Variants in CCDC93 observed in about 807,000 individuals in gnomAD.
CCDC93 encodes coiled-coil domain-containing protein 93.
In CCDC93, 61 loss-of-function variants were observed where a neutral mutation model predicts 108.2. That is an observed-to-expected ratio of 0.56 (90% CI 0.46 to 0.70). CCDC93 has a LOEUF of 0.70. CCDC93 is among the 30% of genes least tolerant of loss of function. The pLI is 0.00. For synonymous variants in CCDC93, 276 were observed against 260.4 expected, an observed-to-expected ratio of 1.06 and a Z score of -0.58; for missense variants, 685 against 764.2, an observed-to-expected ratio of 0.90 and a Z score of 1.22.
chr2:118,003,668 C>T (rs1393818082), intron 3 of CCDC93, among the ~76,000 whole-genome samples: 2 of 152,150 alleles, frequency 1.3e-5, no homozygotes, highest in East Asian at 1.9e-4. Flanking sequence ...GGCCACTCTT[C>T]GGAGCCAGCC....
At chr2:118,001,973 G>A (rs1279512824) in intron 3 of CCDC93, among the ~76,000 whole-genome samples, 1 of 152,152 alleles carries the variant, frequency 6.6e-6, no homozygotes, top group Admixed American at 6.5e-5. Context: ...GGAACATTGA[G>A]AAGCAGTCAC....
rs951317723 is a variant in CCDC93 at position 117,917,816 on chromosome 2, C to T, written c.*2527G>A. 5 of 152,180 alleles carry T rather than the reference C, an allele frequency of 3.3e-5. No individual in the cohort carries two copies. The highest frequency in any genetic ancestry group is 1.3e-4 in the Admixed American group (2 of 15,278). 9.4% of individuals were successfully genotyped at this position (152,180 alleles called of 1,614,324 possible). A position where few individuals can be genotyped will look rare whatever the true frequency, so the allele number is the denominator to read the frequency against. Reference sequence around the variant, plus strand: ...GCAGTCCCATGTACTCCATAAGAAGCAAGAAGTGGGAGGGAGCCCCCAACC... The same window carrying T: ...GCAGTCCCATGTACTCCATAAGAAGTAAGAAGTGGGAGGGAGCCCCCAACC... On this transcript the variant is annotated 3_prime_UTR_variant, in exon 24 of 24. Transcript: ENST00000376300.
chr2:117,964,128 A>G (rs1326997959), intron 11 of CCDC93, among the ~76,000 whole-genome samples: 1 of 152,166 alleles, frequency 6.6e-6, no homozygotes, highest in Non-Finnish European at 1.5e-5. Context: ...ACTCTGATTA[A>G]AATTTTAAAT....
At chr2:117,932,622 G>A (rs1223129203) in intron 22 of CCDC93, among the ~76,000 whole-genome samples, 1 of 152,166 alleles carries the variant, frequency 6.6e-6, no homozygotes, top group East Asian at 1.9e-4. Flanking sequence ...GCCCTCCCTT[G>A]TGCCTAGGTC....
At chr2:117,979,357 A>C (rs1300464258) in intron 7 of CCDC93, among the ~76,000 whole-genome samples, 1 of 151,168 alleles carries the variant, frequency 6.6e-6, no homozygotes, top group Non-Finnish European at 1.5e-5. Context: ...CTGCTTCCCT[A>C]CTCACCCTCC....
intron 11 of CCDC93, among the ~76,000 whole-genome samples, chr2:117,969,078 G>A (rs964584547): frequency 3.9e-5 from 6 of 152,158 alleles, no homozygotes; most frequent in South Asian, 2.1e-4. Flanking sequence ...GGGTGTGGAC[G>A]GAAGCTGTGC....
chr2:117,970,457 T>TA (rs149684519), intron 11 of CCDC93, among the ~76,000 whole-genome samples: 8,456 of 146,312 alleles, frequency 0.058, 276 homozygotes, highest in Non-Finnish European at 0.083. Flanking sequence ...GAAACAAGAA[T>TA]AAAAAAAAAA....
intron 21 of CCDC93, 138 bp from the exon 22 acceptor site, chr2:117,935,717 G>A (rs550197684): frequency 2.5e-5 from 12 of 487,092 alleles, no homozygotes; most frequent in Admixed American, 2.2e-4. Flanking sequence ...GTGGAGCCAC[G>A]GGGGCCCCTG....
chr2:117,934,123 G>A (rs1031575691), intron 22 of CCDC93: 2 of 152,166 alleles, frequency 1.3e-5, no homozygotes, highest in African/African-American at 4.8e-5. Context: ...TCAACAACAG[G>A]AATTCATGGA....
rs541570266 is a variant in CCDC93 at position 117,946,114 on chromosome 2, C to T, written c.1297-532G>A. ...AGTGATAACGGCCCTGCAAGATCTT[C>T]GTCTCCCCGCTGGGCATGGCAGTGT... On this transcript the variant is annotated intron_variant, in intron 16 of 23. Transcript: ENST00000376300. Among the ~76,000 whole-genome samples the T allele has an allele frequency of 1.5e-3, 233 of 152,244 alleles. 3 individuals are homozygous for T. Among genetic ancestry groups the T allele is most frequent in the South Asian group, 2.5e-3 (12 of 4,820 alleles).
Position 117,995,503 on chromosome 2 carries a change from C to G in CCDC93, c.463-1G>C. On this transcript the variant is annotated splice_acceptor_variant, in intron 5 of 23. Transcript: ENST00000376300. LOFTEE classifies it high-confidence loss of function. Reference sequence around the variant, plus strand: ...CTTTTCTCTTTATGAAGTCATCATCCTACAAGACAAAACAGAGCGATTAAA... The same window carrying G: ...CTTTTCTCTTTATGAAGTCATCATCGTACAAGACAAAACAGAGCGATTAAA... The G allele has an allele frequency of 6.2e-7, 1 of 1,612,550 alleles. No individual in the cohort carries two copies. Among genetic ancestry groups the G allele is most frequent in the Non-Finnish European group, 8.5e-7 (1 of 1,178,528 alleles).
intron 11 of CCDC93, among the ~76,000 whole-genome samples, chr2:117,962,634 C>T (rs1573492533): frequency 6.6e-6 from 1 of 152,180 alleles, no homozygotes; most frequent in African/African-American, 2.4e-5. Context: ...CAGAGTGGGA[C>T]TCTGCCTCAA....
intron 7 of CCDC93, among the ~76,000 whole-genome samples, chr2:117,978,346 T>C (rs997408255): frequency 1.3e-5 from 2 of 152,178 alleles, no homozygotes; most frequent in African/African-American, 4.8e-5. Context: ...CGGTTTAAGC[T>C]AAAAGCCTTA....
At chr2:117,994,085 C>T (rs552653298) in intron 6 of CCDC93, among the ~76,000 whole-genome samples, 2 of 152,164 alleles carry the variant, frequency 1.3e-5, no homozygotes. Flanking sequence ...AGTGAAAAAA[C>T]CACAAAATTA....
At chr2:117,922,390 C>T (rs191470856) in intron 23 of CCDC93, among the ~76,000 whole-genome samples, 1 of 152,274 alleles carries the variant, frequency 6.6e-6, no homozygotes, top group East Asian at 1.9e-4. Flanking sequence ...AGTCTCTTTC[C>T]TGCTGAAAAC....
At chr2:117,930,704 T>C (rs1393818866) in intron 23 of CCDC93, 2 of 178,524 alleles carry the variant, frequency 1.1e-5, no homozygotes, top group Middle Eastern at 4.5e-3. Flanking sequence ...GGAAAGAAGA[T>C]TCTATATCTG....
intron 6 of CCDC93, among the ~76,000 whole-genome samples, chr2:117,988,103 A>C (rs2104803466): frequency 6.6e-6 from 1 of 151,228 alleles, no homozygotes; most frequent in South Asian, 2.1e-4. Context: ...TCTGATACAT[A>C]TATATATATC....
Position 118,004,589 on chromosome 2 carries a change from G to C in CCDC93, c.251+2133C>G, listed in dbSNP as rs144540714. On this transcript the variant is annotated intron_variant, in intron 3 of 23. Coordinates refer to ENST00000376300, the MANE Select transcript of CCDC93 (RefSeq NM_019044.5). ...TGCACCTAACCAGAAACTCTATGGT[G>C]GGGGGGAACACCAAACAGAACACAT... is the stretch of plus-strand genomic sequence containing the variant. Among the ~76,000 whole-genome samples the C allele has an allele frequency of 2.6e-3, 400 of 152,208 alleles. 2 individuals carry two copies. The highest frequency in any genetic ancestry group is 9.1e-3 in the African/African-American group (379 of 41,554).
At chr2:117,929,664 C>G (rs10490630) in intron 23 of CCDC93, among the ~76,000 whole-genome samples, 18 of 152,262 alleles carry the variant, frequency 1.2e-4, no homozygotes, top group Non-Finnish European at 2.6e-4. Context: ...TTAAAGGGAA[C>G]GAGGAGCTCT....
Sources: gnomAD v4.1 joint callset for allele counts (sites outside exome capture counted in the v4.1 genomes callset) on GRCh38, gnomAD v4.1.1 for gene constraint, MANE v1.5 for transcripts, NCBI Gene and HGNC (gene_info 2026-07-23, HGNC 2026-07-21) for gene names.